ADAMTS9: variants seen among roughly 807,000 people sequenced by gnomAD.
ADAMTS9 encodes ADAM metallopeptidase with thrombospondin type 1 motif 9.
Under a neutral mutation model 257.1 loss-of-function variants are expected in ADAMTS9, and 107 were observed. The ratio of observed to expected loss-of-function variants is 0.42; its 90% CI spans 0.36 to 0.49. The LOEUF is 0.49. Among genes scored for constraint, ADAMTS9 ranks in the 20% least tolerant of loss-of-function variants. The pLI, the probability that ADAMTS9 is intolerant of heterozygous loss-of-function variation, is 0.03. For missense variants in ADAMTS9, 2,353 were observed against 2,469.1 expected (o/e 0.95, Z 1.00); for synonymous variants, 982 against 880.9 (o/e 1.11, Z -2.03).
chr3:64,528,834 C>T (rs940870716), intron 38 of ADAMTS9, among the ~76,000 whole-genome samples: 1 of 152,238 alleles, frequency 6.6e-6, no homozygotes, highest in African/African-American at 2.4e-5. Flanking sequence ...CACTACAGTC[C>T]CCATTTTATA....
intron 32 of ADAMTS9, among the ~76,000 whole-genome samples, chr3:64,543,233 T>A (rs4645131): frequency 6.6e-6 from 1 of 152,150 alleles, no homozygotes; most frequent in Non-Finnish European, 1.5e-5. Flanking sequence ...TTCCAATCAA[T>A]AGAAAAAGAG....
At chr3:64,561,799 T>TTTG in intron 29 of ADAMTS9, 48 bp from the exon 30 acceptor site, 10 of 559,938 alleles carry the variant, frequency 1.8e-5, no homozygotes, top group South Asian at 4.1e-5. Flanking sequence ...ATTTATTTTT[T>TTTG]GGGGGGGCGG....
chr3:64,628,894 C>A (rs1294901607), intron 16 of ADAMTS9, among the ~76,000 whole-genome samples: 1 of 152,106 alleles, frequency 6.6e-6, no homozygotes, highest in Non-Finnish European at 1.5e-5. Flanking sequence ...AAGACCCTGC[C>A]CTAACTTTAA....
intron 11 of ADAMTS9, among the ~76,000 whole-genome samples, chr3:64,647,537 A>T (rs1249702311): frequency 6.6e-6 from 1 of 152,234 alleles, no homozygotes; most frequent in African/African-American, 2.4e-5. Flanking sequence ...GATGTACTAT[A>T]TTTCTACATT....
chr3:64,531,140 G>A (rs1014884061), intron 38 of ADAMTS9, among the ~76,000 whole-genome samples: 1 of 151,770 alleles, frequency 6.6e-6, no homozygotes, highest in Non-Finnish European at 1.5e-5. Flanking sequence ...CTGAGATGGA[G>A]AAGAGAGAGA....
intron 38 of ADAMTS9, among the ~76,000 whole-genome samples, chr3:64,526,603 GCAGA>G (rs1186790766): frequency 3.3e-5 from 5 of 152,142 alleles, no homozygotes; most frequent in African/African-American, 9.7e-5. Flanking sequence ...CACGATACAG[GCAGA>G]CAAAGAATGT....
intron 28 of ADAMTS9, among the ~76,000 whole-genome samples, chr3:64,572,348 C>T (rs1230872750): frequency 6.6e-6 from 1 of 152,134 alleles, no homozygotes; most frequent in African/African-American, 2.4e-5. Context: ...TTCAATTCAT[C>T]TGGTGGAAAG....
chr3:64,674,883 T>C (rs889433786), intron 3 of ADAMTS9, among the ~76,000 whole-genome samples: 19 of 152,246 alleles, frequency 1.2e-4, no homozygotes, highest in African/African-American at 4.3e-4. Context: ...AAATTATTAA[T>C]GGGATCCAAG....
At position 64,578,493 on chromosome 3, in the gene ADAMTS9, G is replaced by A. The variant is rs139455583; in HGVS notation, c.4357-9958C>T. ...GGAAATCAAAAGATTGAGGCAGAAG[G>A]GTGTAGTGGCTATGAATACGGTGTT... is the stretch of plus-strand genomic sequence containing the variant. On this transcript the variant is annotated intron_variant, in intron 28 of 39. Transcript: ENST00000498707. Among the ~76,000 whole-genome samples the A allele has an allele frequency of 1.1e-4, 17 of 152,262 alleles. No individual in the cohort carries two copies. The East Asian group carries it at 3.1e-3, about 28-fold the overall frequency.
intron 2 of ADAMTS9, chr3:64,685,054 A>G (rs1701861047): frequency 6.6e-6 from 1 of 152,148 alleles, no homozygotes; most frequent in Non-Finnish European, 1.5e-5. Flanking sequence ...GCGATGACTC[A>G]CTGCAGCACC....
At chr3:64,539,156 A>G in intron 37 of ADAMTS9, 47 bp downstream of exon 37, 2 of 1,530,854 alleles carry the variant, frequency 1.3e-6, no homozygotes, top group Non-Finnish European at 1.8e-6. Context: ...TTCCCGGGAA[A>G]GGTGGGAGGT....
At chr3:64,562,310 A>G (rs1674129408) in intron 29 of ADAMTS9, among the ~76,000 whole-genome samples, 1 of 152,166 alleles carries the variant, frequency 6.6e-6, no homozygotes, top group African/African-American at 2.4e-5. Context: ...AGAATTCACT[A>G]AAGAATTTGT....
intron 18 of ADAMTS9, among the ~76,000 whole-genome samples, chr3:64,621,589 C>T (rs115296969): frequency 0.012 from 1,877 of 151,820 alleles, 18 homozygotes; most frequent in Middle Eastern, 0.024. Flanking sequence ...TGGTGAAACC[C>T]GTTCTCTACC....
At chr3:64,525,049 T>TA (rs571639697) in intron 38 of ADAMTS9, among the ~76,000 whole-genome samples, 31 of 152,330 alleles carry the variant, frequency 2.0e-4, no homozygotes, top group South Asian at 1.2e-3. Context: ...AAGCACCCTG[T>TA]AAATGGGTAA....
At chr3:64,528,615 C>T (rs1447586119) in intron 38 of ADAMTS9, among the ~76,000 whole-genome samples, 6 of 152,132 alleles carry the variant, frequency 3.9e-5, no homozygotes, top group East Asian at 1.9e-4. Flanking sequence ...CACTGCAGTT[C>T]GATGTCCTTC....
At chr3:64,622,382 A>C (rs1700130270) in intron 17 of ADAMTS9, 38 bp downstream of exon 17, 1 of 1,612,814 alleles carries the variant, frequency 6.2e-7, no homozygotes, top group Non-Finnish European at 8.5e-7. Flanking sequence ...AATGCCAAGC[A>C]GAAGAAAAGG....
At chr3:64,535,378 CA>C (rs979827572) in intron 37 of ADAMTS9, among the ~76,000 whole-genome samples, 3 of 152,030 alleles carry the variant, frequency 2.0e-5, no homozygotes, top group African/African-American at 7.2e-5. Context: ...GATTCCATCT[CA>C]CATATATATA....
intron 19 of ADAMTS9, among the ~76,000 whole-genome samples, chr3:64,617,151 A>G (rs1699970387): frequency 6.6e-6 from 1 of 152,190 alleles, no homozygotes; most frequent in East Asian, 1.9e-4. Flanking sequence ...ATCCTGTCAC[A>G]GTGTAGTGGG....
chr3:64,525,450 G>A (rs2082898980), intron 38 of ADAMTS9, among the ~76,000 whole-genome samples: 1 of 151,974 alleles, frequency 6.6e-6, no homozygotes, highest in Non-Finnish European at 1.5e-5. Flanking sequence ...TACATTTTAG[G>A]ATTTTTTGGG....
Sources: gnomAD v4.1 joint callset for allele counts (sites outside exome capture counted in the v4.1 genomes callset) on GRCh38, gnomAD v4.1.1 for gene constraint, MANE v1.5 for transcripts, NCBI Gene and HGNC (gene_info 2026-07-23, HGNC 2026-07-21) for gene names.